Variants in MID1 observed in about 807,000 individuals in gnomAD.
MID1 encodes midline 1.
A neutral mutation model predicts 40.4 loss-of-function variants in MID1; 7 were observed. That is an observed-to-expected ratio of 0.17 (90% CI 0.10 to 0.33). The LOEUF (loss-of-function observed/expected upper bound fraction) is 0.33, where lower values mean the gene tolerates loss of function less well. Ranked by LOEUF, MID1 falls within the 10% of genes least tolerant of loss-of-function variation. MID1 has a pLI of 1.00. For synonymous variants in MID1, 229 were observed against 221.2 expected (o/e 1.04, Z -0.31); for missense variants, 367 against 558.5 (o/e 0.66, Z 3.46).
chrX:10,462,296 T>A (rs1037028036), intron 7 of MID1, among the ~76,000 whole-genome samples: 1 of 111,955 alleles, frequency 8.9e-6, no homozygotes, highest in Admixed American at 9.5e-5. Context: ...GAAAGCAACA[T>A]TGACAATTTT....
At chrX:10,759,293 C>G (rs537679954) in intron 1 of MID1, among the ~76,000 whole-genome samples, 2 of 111,806 alleles carry the variant, frequency 1.8e-5, no homozygotes, top group Non-Finnish European at 1.9e-5. Context: ...GAAATGCTGG[C>G]GACGCAGGGC....
intron 1 of MID1, among the ~76,000 whole-genome samples, chrX:10,618,863 C>A (rs1569129702): frequency 8.9e-6 from 1 of 111,780 alleles, no homozygotes; most frequent in Non-Finnish European, 1.9e-5. Flanking sequence ...CAGCTAAGGA[C>A]CTTTGTCAAA....
intron 1 of MID1, among the ~76,000 whole-genome samples, chrX:10,702,834 G>A (rs750400809): frequency 4.8e-4 from 54 of 112,225 alleles, no homozygotes; most frequent in African/African-American, 1.6e-3. Context: ...AATGTTAAAT[G>A]AGGTCATAAG....
chrX:10,831,202 G>A (rs1276904862), intron 1 of MID1, among the ~76,000 whole-genome samples: 2 of 111,939 alleles, frequency 1.8e-5, no homozygotes. Flanking sequence ...TCCATCCATT[G>A]AGAAGCTTTG....
intron 3 of MID1, among the ~76,000 whole-genome samples, chrX:10,522,853 C>T (rs551048687): frequency 8.9e-6 from 1 of 112,027 alleles, no homozygotes; most frequent in Non-Finnish European, 1.9e-5. Context: ...AACATTAGGA[C>T]TGCTATGTAA....
At chrX:10,720,057 T>C (rs2043338493) in intron 1 of MID1, among the ~76,000 whole-genome samples, 1 of 111,827 alleles carries the variant, frequency 8.9e-6, no homozygotes, top group Admixed American at 9.5e-5. Flanking sequence ...TCAAGATGGA[T>C]TAAAGATTTA....
chrX:10,667,640 G>A (rs1232411600), intron 1 of MID1, among the ~76,000 whole-genome samples: 1 of 111,462 alleles, frequency 9.0e-6, no homozygotes, highest in Admixed American at 9.5e-5. Flanking sequence ...GTGTGTGGGG[G>A]GAGTCTTTTC....
chrX:10,481,181 C>CA (rs759846335), intron 5 of MID1, among the ~76,000 whole-genome samples: 11 of 112,041 alleles, frequency 9.8e-5, no homozygotes, highest in African/African-American at 3.6e-4. Flanking sequence ...CAAGACCTTA[C>CA]AACCTGCAAA....
intron 1 of MID1, among the ~76,000 whole-genome samples, chrX:10,719,500 G>A (rs1243428330): frequency 9.0e-6 from 1 of 110,974 alleles, no homozygotes; most frequent in Non-Finnish European, 1.9e-5. Context: ...GGGATGTGAA[G>A]GACCTCTTCA....
chrX:10,545,687 C>T (rs917044981), intron 2 of MID1, among the ~76,000 whole-genome samples: 11 of 111,661 alleles, frequency 9.9e-5, no homozygotes, highest in African/African-American at 3.3e-4. Context: ...TAAACACCTT[C>T]AAAATGGTTT....
At chrX:10,823,998 A>G (rs914743961) in intron 1 of MID1, among the ~76,000 whole-genome samples, 7 of 112,337 alleles carry the variant, frequency 6.2e-5, no homozygotes, top group Non-Finnish European at 9.4e-5. Context: ...TTATAAATAA[A>G]CTTTTGCATA....
intron 2 of MID1, among the ~76,000 whole-genome samples, chrX:10,560,085 C>T (rs903324994): frequency 4.5e-5 from 5 of 110,187 alleles, no homozygotes; most frequent in African/African-American, 1.7e-4. Context: ...CAGGGTCTTG[C>T]TATGTTGTCC....
chrX:10,498,885 G>A, intron 3 of MID1, among the ~76,000 whole-genome samples: 1 of 111,413 alleles, frequency 9.0e-6, no homozygotes, highest in Non-Finnish European at 1.9e-5. Context: ...TCTAGTTTTT[G>A]TTCACTATAA....
chrX:10,554,584 G>C (rs1050075132), intron 2 of MID1, among the ~76,000 whole-genome samples: 1 of 111,753 alleles, frequency 8.9e-6, no homozygotes, highest in Admixed American at 9.5e-5. Context: ...ATCAAGTCAG[G>C]GTATTTAGAA....
chrX:10,748,264 A>T (rs1013177354), intron 1 of MID1, among the ~76,000 whole-genome samples: 12 of 111,690 alleles, frequency 1.1e-4, no homozygotes, highest in Non-Finnish European at 2.3e-4. Context: ...CAGCAGCAGC[A>T]GGGCTAGGTT....
intron 1 of MID1, among the ~76,000 whole-genome samples, chrX:10,748,044 T>C: frequency 9.0e-6 from 1 of 111,211 alleles, no homozygotes; most frequent in East Asian, 2.8e-4. Context: ...ATGATAATGG[T>C]TCATGAGATG....
chrX:10,659,555 T>C (rs759683816), intron 1 of MID1, among the ~76,000 whole-genome samples: 2 of 112,166 alleles, frequency 1.8e-5, no homozygotes, highest in Non-Finnish European at 3.8e-5. Context: ...CCAAATATAA[T>C]TCAACTGTTA....
At chrX:10,601,185 T>C (rs1297723654) in intron 1 of MID1, among the ~76,000 whole-genome samples, 2 of 112,374 alleles carry the variant, frequency 1.8e-5, no homozygotes, top group African/African-American at 6.5e-5. Flanking sequence ...TTAAGTTTTA[T>C]ACTGGCTTAA....
intron 1 of MID1, among the ~76,000 whole-genome samples, chrX:10,727,722 C>T (rs2043404554): frequency 9.0e-6 from 1 of 111,364 alleles, no homozygotes; most frequent in Non-Finnish European, 1.9e-5. Flanking sequence ...AGGCCAGCAA[C>T]CTGCATTTTA....
Sources: allele counts gnomAD v4.1 joint callset (sites outside exome capture counted in the v4.1 genomes callset), GRCh38; gene constraint gnomAD v4.1.1; transcripts MANE v1.5; gene names NCBI Gene and HGNC (gene_info 2026-07-23, HGNC 2026-07-21).